CLCA2: variants seen among roughly 807,000 people sequenced by gnomAD.
CLCA2 encodes the protein chloride channel accessory 2, also known as calcium-activated chloride channel regulator 2.
Under a neutral mutation model 82.9 loss-of-function variants are expected in CLCA2, and 85 were observed. The observed-to-expected ratio is 1.03, with a 90% CI of 0.86 to 1.23. The LOEUF is 1.23. CLCA2 is among the 50% of genes most tolerant of loss of function. The pLI, the probability that CLCA2 is intolerant of heterozygous loss-of-function variation, is 0.00. For synonymous variants in CLCA2, 421 were observed against 391.7 expected (o/e 1.07, Z -0.88); for missense variants, 1,089 against 1,124.8 (o/e 0.97, Z 0.45).
intron 2 of CLCA2, 135 bp from the exon 3 acceptor site, chr1:86,428,283 A>G (rs1662426457): frequency 1.3e-6 from 1 of 775,854 alleles, no homozygotes; most frequent in African/African-American, 1.8e-5. Context: ...TTTTGTTTTT[A>G]AATTGGGTTA....
chr1:86,426,115 G>A (rs1662381072), intron 2 of CLCA2, among the ~76,000 whole-genome samples: 1 of 152,078 alleles, frequency 6.6e-6, no homozygotes. Flanking sequence ...CACCCATGAT[G>A]ATGTCTGGTA....
At chr1:86,433,562 T>C (rs1174735977) in intron 5 of CLCA2, among the ~76,000 whole-genome samples, 1 of 152,212 alleles carries the variant, frequency 6.6e-6, no homozygotes, top group African/African-American at 2.4e-5. Context: ...CTAGGTACTA[T>C]CTTCACGATG....
Position 86,443,828 on chromosome 1 carries a change from GA to G in CLCA2, c.1535del (p.Asn512ThrfsTer3). The G allele has an allele frequency of 6.2e-7, 1 of 1,613,968 alleles. No individual in the cohort carries two copies. The highest frequency in any genetic ancestry group is 8.5e-7 in the Non-Finnish European group (1 of 1,179,920). On this transcript the variant is annotated frameshift_variant, in exon 10 of 14. Transcript: ENST00000370565. LOFTEE classifies it high-confidence loss of function. ...AAAATGTCAAACCTCACCATCAATT[GA>G]AAAACACAGTGACTGTGGATAATAC... ...GENVKPHHQL[K>X]NTVTVDNTVG...
intron 1 of CLCA2, 120 bp downstream of exon 1, chr1:86,424,553 A>C: frequency 1.3e-6 from 1 of 773,020 alleles, no homozygotes. Flanking sequence ...GCATTTTTAA[A>C]AGATAGCGCC....
At chr1:86,453,006 C>T (rs2101713519) in intron 12 of CLCA2, among the ~76,000 whole-genome samples, 1 of 152,174 alleles carries the variant, frequency 6.6e-6, no homozygotes, top group African/African-American at 2.4e-5. Context: ...AACCCTGTCT[C>T]TACTAAAAAT....
Position 86,434,668 on chromosome 1 carries a change from C to A in CLCA2, c.895C>A (p.Pro299Thr). 1 of 1,614,126 alleles carries A rather than the reference C, an allele frequency of 6.2e-7. No homozygotes were observed. The highest frequency in any genetic ancestry group is 8.5e-7 in the Non-Finnish European group (1 of 1,179,984). ...FPMNGTELPP[P>T]PTFSLVQAGD... ...CATGAATGGGACTGAGCTTCCACCT[C>A]CTCCCACATTCTCGCTTGTACAGGC... Residue 299 changes from proline (P) to threonine (T), a missense_variant, in exon 6 of 14, where the codon CCT becomes ACT. Physicochemically the swap from Pro to Thr is conservative, Grantham distance 38. Transcript: ENST00000370565.
chr1:86,443,941 A>G lies in CLCA2; in HGVS notation c.1643A>G (p.Tyr548Cys), dbSNP rs1219130799. 6.2e-7 allele frequency: 1 copy of G among 1,613,726 alleles called. No homozygotes were observed. Among genetic ancestry groups the G allele is most frequent in the Non-Finnish European group, 8.5e-7 (1 of 1,179,640 alleles). The part of the protein sequence containing the change: ...IILFDPDGRK[Y>C]YTNNFITNLT... ...TTATTTGATCCTGATGGACGAAAAT[A>G]CTACACAAATAATTTTATCACCAAT... Residue 548 changes from tyrosine (Y) to cysteine (C), a missense_variant, in exon 10 of 14, where the codon TAC becomes TGC. By Grantham distance (194) the Tyr-to-Cys change is radical. Coordinates refer to ENST00000370565, the MANE Select transcript of CLCA2 (RefSeq NM_006536.7).
At chr1:86,431,872 C>A (rs980867809) in intron 4 of CLCA2, among the ~76,000 whole-genome samples, 1 of 152,142 alleles carries the variant, frequency 6.6e-6, no homozygotes, top group African/African-American at 2.4e-5. Flanking sequence ...AAATAGAGTG[C>A]ATTTCTAAAT....
In CLCA2 at chr1:86,430,963, G is replaced by C; in HGVS notation, c.577G>C (p.Val193Leu). ...CATAAATGGGCAAAATCAAATTAAA[G>C]TGACAAGGTTAGTACTTTTTTTCAT... ...FYINGQNQIK[V>L]TRCSSDITGI... The change falls in exon 4 of 14, where the codon GTG becomes CTG. Residue 193 changes from valine (V) to leucine (L), a missense_variant. Val to Leu is a conservative substitution (Grantham distance 32). Transcript: ENST00000370565. 1 of 1,605,736 alleles carries C rather than the reference G, an allele frequency of 6.2e-7. No homozygotes were observed. Among genetic ancestry groups the C allele is most frequent in the Non-Finnish European group, 8.5e-7 (1 of 1,173,304 alleles).
At chr1:86,426,306 A>G (rs1365361836) in intron 2 of CLCA2, among the ~76,000 whole-genome samples, 1 of 152,168 alleles carries the variant, frequency 6.6e-6, no homozygotes, top group Non-Finnish European at 1.5e-5. Context: ...CATCTCTAAC[A>G]GAATGACTCA....
At chr1:86,446,013 A>G (rs1410566070) in intron 10 of CLCA2, among the ~76,000 whole-genome samples, 2 of 152,010 alleles carry the variant, frequency 1.3e-5, no homozygotes, top group Non-Finnish European at 2.9e-5. Flanking sequence ...CATTAGTACT[A>G]AATAGGGAAA....
chr1:86,439,049 C>T lies in CLCA2; in HGVS notation c.1146C>T (p.Thr382=). 1 of 1,614,094 alleles carries T rather than the reference C, an allele frequency of 6.2e-7. No individual in the cohort carries two copies. The highest frequency in any genetic ancestry group is 8.5e-7 in the Non-Finnish European group (1 of 1,179,992). The part of the protein sequence containing the change: ...DRKLLVSYLP[T]TVSAKTDISI... ...AGTTGCTGGTTTCATATCTGCCCAC[C>T]ACTGTATCAGCTAAAACAGACATCA... Residue 382 remains threonine, a synonymous_variant, in exon 7 of 14, where the codon ACC becomes ACT. Coordinates refer to ENST00000370565, the MANE Select transcript of CLCA2 (RefSeq NM_006536.7).
At chr1:86,441,317 C>T (rs565121611) in intron 8 of CLCA2, 120 bp from the exon 9 acceptor site, 1 of 606,362 alleles carries the variant, frequency 1.6e-6, no homozygotes, top group Non-Finnish European at 2.8e-6. Flanking sequence ...TCAAGCACAG[C>T]TCCCATTTCC....
At chr1:86,428,092 C>A (rs1318050262) in intron 2 of CLCA2, among the ~76,000 whole-genome samples, 1 of 152,058 alleles carries the variant, frequency 6.6e-6, no homozygotes, top group African/African-American at 2.4e-5. Context: ...CAGACTTTTA[C>A]AGGATTGACT....
At chr1:86,442,837 T>C (rs1183362266) in intron 9 of CLCA2, among the ~76,000 whole-genome samples, 1 of 152,192 alleles carries the variant, frequency 6.6e-6, no homozygotes. Context: ...GTATGTGACA[T>C]CGGCAAATTA....
chr1:86,432,080 T>A (rs11161819), intron 4 of CLCA2, among the ~76,000 whole-genome samples: 6 of 151,472 alleles, frequency 4.0e-5, no homozygotes, highest in East Asian at 1.9e-4. Flanking sequence ...GGATTACAGG[T>A]GCCCAACACC....
At chr1:86,436,934 G>A (rs193085073) in intron 6 of CLCA2, among the ~76,000 whole-genome samples, 35 of 152,192 alleles carry the variant, frequency 2.3e-4, no homozygotes, top group Admixed American at 1.3e-3. Flanking sequence ...GGCTGGTCTC[G>A]AACTCCCGAC....
intron 2 of CLCA2, among the ~76,000 whole-genome samples, chr1:86,427,994 C>G (rs1412195455): frequency 2.0e-5 from 3 of 152,182 alleles, no homozygotes; most frequent in African/African-American, 7.2e-5. Flanking sequence ...TAACATTTTA[C>G]AGCCTTCTGA....
intron 12 of CLCA2, among the ~76,000 whole-genome samples, chr1:86,452,399 A>T (rs991065992): frequency 2.0e-5 from 3 of 151,898 alleles, no homozygotes; most frequent in African/African-American, 4.8e-5. Flanking sequence ...CTGTGCTTTA[A>T]TTCATTCTAC....
Sources: allele counts gnomAD v4.1 joint callset (sites outside exome capture counted in the v4.1 genomes callset), GRCh38; gene constraint gnomAD v4.1.1; transcripts MANE v1.5; gene names NCBI Gene and HGNC (gene_info 2026-07-23, HGNC 2026-07-21).